SLC20A2: variants seen among roughly 807,000 people sequenced by gnomAD.
SLC20A2 encodes the protein sodium-dependent phosphate transporter 2.
SLC20A2 carries 30 observed loss-of-function variants against 61.0 expected under a neutral mutation model. The observed-to-expected ratio is 0.49, with a 90% CI of 0.37 to 0.67. SLC20A2 has a LOEUF of 0.67. SLC20A2 is among the 30% of genes least tolerant of loss of function. The pLI is 0.00. For missense variants in SLC20A2, 626 were observed against 866.4 expected, an observed-to-expected ratio of 0.72 and a Z score of 3.48; for synonymous variants, 351 against 353.3, an observed-to-expected ratio of 0.99 and a Z score of 0.07.
intron 1 of SLC20A2, chr8:42,538,142 C>A (rs1455384982): frequency 1.3e-5 from 2 of 151,712 alleles, no homozygotes; most frequent in East Asian, 3.9e-4. Context: ...TATAACCTAC[C>A]ATTTTGAGTA....
At chr8:42,534,567 A>G (rs909640119) in intron 1 of SLC20A2, 1 of 152,258 alleles carries the variant, frequency 6.6e-6, no homozygotes, top group African/African-American at 2.4e-5. Context: ...GATCCTAGAA[A>G]ATAACCTAGG....
chr8:42,508,081 T>C (rs1291230963), intron 1 of SLC20A2, among the ~76,000 whole-genome samples: 1 of 152,114 alleles, frequency 6.6e-6, no homozygotes, highest in Admixed American at 6.5e-5. Flanking sequence ...GAGAATCTGC[T>C]TGAACCCAGG....
At chr8:42,438,568 T>A (rs758677322) in intron 7 of SLC20A2, among the ~76,000 whole-genome samples, 63 of 152,232 alleles carry the variant, frequency 4.1e-4, no homozygotes, top group Non-Finnish European at 2.2e-4. Flanking sequence ...GGGCCACATC[T>A]GAGACTGCAC....
At chr8:42,432,044 T>A (rs1042684540) in intron 8 of SLC20A2, among the ~76,000 whole-genome samples, 4 of 152,234 alleles carry the variant, frequency 2.6e-5, no homozygotes, top group Non-Finnish European at 5.9e-5. Flanking sequence ...AGTTTGACTT[T>A]CAAGTCTTAT....
chr8:42,481,736 G>A (rs977258604), intron 1 of SLC20A2, among the ~76,000 whole-genome samples: 11 of 152,172 alleles, frequency 7.2e-5, no homozygotes, highest in African/African-American at 2.7e-4. Flanking sequence ...GTCTTGAGCA[G>A]TGCAGTCAAC....
chr8:42,497,122 T>C (rs1056375753), intron 1 of SLC20A2, among the ~76,000 whole-genome samples: 1 of 152,208 alleles, frequency 6.6e-6, no homozygotes, highest in African/African-American at 2.4e-5. Context: ...TTATTAATCT[T>C]CTCTAAGTGA....
intron 3 of SLC20A2, among the ~76,000 whole-genome samples, chr8:42,464,092 CTTTTTTTTTTTTTTTTT>C (rs1170751054): frequency 2.9e-4 from 6 of 20,540 alleles, no homozygotes; most frequent in East Asian, 4.3e-3. Context: ...GCTGGATGAT[CTTTTTTTTTTTTTTTTT>C]TTTTTTTTTT....
intron 1 of SLC20A2, among the ~76,000 whole-genome samples, chr8:42,487,099 A>G (rs536718904): frequency 6.6e-6 from 1 of 151,444 alleles, no homozygotes; most frequent in South Asian, 2.1e-4. Flanking sequence ...TCCTGACCTC[A>G]AGTGATCCAC....
At chr8:42,500,305 AAT>A (rs1810238861) in intron 1 of SLC20A2, among the ~76,000 whole-genome samples, 1 of 152,260 alleles carries the variant, frequency 6.6e-6, no homozygotes, top group African/African-American at 2.4e-5. Flanking sequence ...ATTCAAATTT[AAT>A]TTAAAATATT....
At chr8:42,490,273 G>T (rs1223450223) in intron 1 of SLC20A2, among the ~76,000 whole-genome samples, 1 of 152,164 alleles carries the variant, frequency 6.6e-6, no homozygotes, top group Non-Finnish European at 1.5e-5. Flanking sequence ...CATTTCTTCT[G>T]GATGAGGCTT....
intron 1 of SLC20A2, among the ~76,000 whole-genome samples, chr8:42,486,433 G>A (rs1310061716): frequency 2.6e-5 from 4 of 152,192 alleles, no homozygotes; most frequent in African/African-American, 9.7e-5. Flanking sequence ...CTGGGCTCAA[G>A]CGATCCTCCG....
intron 2 of SLC20A2, among the ~76,000 whole-genome samples, chr8:42,470,761 G>A (rs1302744714): frequency 1.3e-5 from 2 of 151,882 alleles, no homozygotes; most frequent in African/African-American, 4.8e-5. Flanking sequence ...ATTGCTTGAG[G>A]TCAGGAGTTC....
chr8:42,475,328 A>G (rs1266602039), intron 1 of SLC20A2, among the ~76,000 whole-genome samples: 1 of 151,696 alleles, frequency 6.6e-6, no homozygotes, highest in African/African-American at 2.4e-5. Flanking sequence ...TCAAACTCCT[A>G]TCCTCAAGTG....
At chr8:42,488,881 GC>G (rs1809268324) in intron 1 of SLC20A2, among the ~76,000 whole-genome samples, 1 of 150,194 alleles carries the variant, frequency 6.7e-6, no homozygotes. Flanking sequence ...AAAGTCCTGT[GC>G]CCATTTAAAA....
intron 1 of SLC20A2, among the ~76,000 whole-genome samples, chr8:42,494,545 C>T (rs774242382): frequency 6.6e-6 from 1 of 152,104 alleles, no homozygotes; most frequent in Non-Finnish European, 1.5e-5. Context: ...CATAGGTGTG[C>T]CTTGCTTTTA....
intron 6 of SLC20A2, among the ~76,000 whole-genome samples, chr8:42,441,620 C>T (rs1259861574): frequency 1.3e-5 from 2 of 150,530 alleles, no homozygotes; most frequent in Admixed American, 6.6e-5. Context: ...AAGCATGTGC[C>T]ACCACGCCCA....
At chr8:42,461,150 G>C (rs959596282) in intron 4 of SLC20A2, among the ~76,000 whole-genome samples, 1 of 152,174 alleles carries the variant, frequency 6.6e-6, no homozygotes, top group African/African-American at 2.4e-5. Context: ...AGACTCAAGT[G>C]TGGGAGTGTC....
At chr8:42,525,112 T>C (rs1248143491) in intron 1 of SLC20A2, among the ~76,000 whole-genome samples, 2 of 152,164 alleles carry the variant, frequency 1.3e-5, no homozygotes, top group Non-Finnish European at 2.9e-5. Context: ...CAGACAAGTG[T>C]GATCTCAAAG....
chr8:42,499,431 G>A lies in SLC20A2; in HGVS notation c.-265+1600C>T, dbSNP rs990689327. ...CACCGCTGCCACTCTCTCACAGCAC[G>A]TAAATCATTAAAACGAACACTCCTC... On this transcript the variant is annotated intron_variant, in intron 1 of 10. Transcript: ENST00000520262. Among the ~76,000 whole-genome samples, 3 of 152,134 alleles carry A rather than the reference G, an allele frequency of 2.0e-5. No homozygotes were observed. The East Asian group carries it at 5.8e-4, about 29-fold the overall frequency.
Sources: allele counts gnomAD v4.1 joint callset (sites outside exome capture counted in the v4.1 genomes callset), GRCh38; gene constraint gnomAD v4.1.1; transcripts MANE v1.5; gene names NCBI Gene and HGNC (gene_info 2026-07-23, HGNC 2026-07-21).